The following LRRC3B variants were observed in gnomAD, a reference collection of about 807,000 sequenced individuals.
The protein encoded by LRRC3B is leucine rich repeat containing 3B, also known as leucine-rich repeat-containing protein 3B.
In LRRC3B, 2 loss-of-function variants were observed where a neutral mutation model predicts 12.8. The observed-to-expected ratio is 0.16, with a 90% CI of 0.06 to 0.49. LRRC3B has a LOEUF of 0.49. Among genes scored for constraint, LRRC3B ranks in the 20% least tolerant of loss-of-function variants. The probability of loss-of-function intolerance (pLI) is 0.96; values close to 1 mark genes in which losing one functional copy is unlikely to be tolerated. For synonymous variants in LRRC3B, 132 were observed against 122.0 expected, an observed-to-expected ratio of 1.08 and a Z score of -0.54; for missense variants, 189 against 319.4, an observed-to-expected ratio of 0.59 and a Z score of 3.11.
chr3:26,677,461 G>T (rs1219254776), intron 1 of LRRC3B, among the ~76,000 whole-genome samples: 2 of 152,192 alleles, frequency 1.3e-5, no homozygotes, highest in South Asian at 2.1e-4. Flanking sequence ...CAGGGGGCAG[G>T]CTGCTCACCA....
chr3:26,656,727 A>G (rs1446312856), intron 1 of LRRC3B, among the ~76,000 whole-genome samples: 2 of 152,208 alleles, frequency 1.3e-5, no homozygotes, highest in African/African-American at 4.8e-5. Flanking sequence ...AATCCTGACA[A>G]CCATTGCTAG....
intron 1 of LRRC3B, among the ~76,000 whole-genome samples, chr3:26,636,436 G>A (rs1050995497): frequency 6.6e-6 from 1 of 152,164 alleles, no homozygotes; most frequent in African/African-American, 2.4e-5. Context: ...GAATGGAGAA[G>A]CAATTTCCTC....
chr3:26,662,065 G>A (rs1699502465), intron 1 of LRRC3B, among the ~76,000 whole-genome samples: 1 of 152,070 alleles, frequency 6.6e-6, no homozygotes, highest in African/African-American at 2.4e-5. Flanking sequence ...TTACTTCTCT[G>A]TTCCAAAAAC....
intron 1 of LRRC3B, among the ~76,000 whole-genome samples, chr3:26,645,111 C>T (rs1699115639): frequency 6.6e-6 from 1 of 152,134 alleles, no homozygotes; most frequent in Admixed American, 6.5e-5. Context: ...ATTTGCAATT[C>T]TCACAACTAT....
chr3:26,633,458 ATAT>A (rs537641763), intron 1 of LRRC3B, among the ~76,000 whole-genome samples: 1 of 152,202 alleles, frequency 6.6e-6, no homozygotes, highest in Non-Finnish European at 1.5e-5. Context: ...ATAGAACAAA[ATAT>A]TATTGATTGC....
intron 1 of LRRC3B, among the ~76,000 whole-genome samples, chr3:26,640,439 A>C (rs1004906519): frequency 5.0e-5 from 7 of 141,186 alleles, no homozygotes; most frequent in Admixed American, 2.1e-4. Flanking sequence ...AAAAAAAAAA[A>C]AAACCCAAAA....
chr3:26,708,745 G>A (rs1700670341), intron 1 of LRRC3B, among the ~76,000 whole-genome samples: 1 of 152,054 alleles, frequency 6.6e-6, no homozygotes, highest in Non-Finnish European at 1.5e-5. Context: ...AGTCTATTGG[G>A]GAAGTCTTCA....
chr3:26,634,588 G>A lies in LRRC3B; in HGVS notation c.-161+11351G>A, dbSNP rs546037344. The stretch of plus-strand genomic sequence containing the variant: ...TTCAATTCACCTCGACATGGTGTGT[G>A]TTGGCTGTTCCCTTGAGATGGGGGG... On this transcript the variant is annotated intron_variant, in intron 1 of 1. Coordinates refer to ENST00000396641, the Ensembl canonical transcript of LRRC3B. 3.3e-5 allele frequency among the ~76,000 whole-genome samples: 5 copies of A among 152,348 alleles called. No homozygotes were observed. In the South Asian group the frequency reaches 8.3e-4, roughly 25 times the overall value.
At chr3:26,676,076 T>C (rs1455049626) in intron 1 of LRRC3B, among the ~76,000 whole-genome samples, 4 of 152,068 alleles carry the variant, frequency 2.6e-5, no homozygotes, top group African/African-American at 4.8e-5. Context: ...GGCCTGTTTT[T>C]TCTTTTTTTT....
At chr3:26,671,371 TATAGAGAGAGAGAG>T (rs1384315875) in intron 1 of LRRC3B, among the ~76,000 whole-genome samples, 1 of 35,960 alleles carries the variant, frequency 2.8e-5, no homozygotes, top group South Asian at 1.3e-3. Flanking sequence ...TATATATATA[TATAGAGAGAGAGAG>T]AGAGAGAGAG....
chr3:26,657,532 C>T (rs1223714584), intron 1 of LRRC3B, among the ~76,000 whole-genome samples: 1 of 152,188 alleles, frequency 6.6e-6, no homozygotes, highest in Non-Finnish European at 1.5e-5. Context: ...TTAGTGATCA[C>T]ATTCTAACTT....
intron 1 of LRRC3B, among the ~76,000 whole-genome samples, chr3:26,677,287 T>C (rs1457034264): frequency 1.3e-5 from 2 of 152,186 alleles, no homozygotes; most frequent in African/African-American, 2.4e-5. Context: ...GGGTTGATAC[T>C]GAAAATAAAC....
Position 26,696,970 on chromosome 3 carries a change from A to G in LRRC3B, c.-160-12543A>G, listed in dbSNP as rs1700333022. ...CTAATTGTTTTGACTGTTTTAGATAATAACCATTTTGTAATCTGATGTTTT... is the reference window on the plus strand; with the variant it reads ...CTAATTGTTTTGACTGTTTTAGATAGTAACCATTTTGTAATCTGATGTTTT... On this transcript the variant is annotated intron_variant, in intron 1 of 1. Coordinates refer to ENST00000396641, the Ensembl canonical transcript of LRRC3B. Among the ~76,000 whole-genome samples, 3 of 152,184 alleles carry G rather than the reference A, an allele frequency of 2.0e-5. No individual in the cohort carries two copies. The South Asian group carries it at 6.2e-4, about 32-fold the overall frequency.
chr3:26,680,195 C>T (rs556147809), intron 1 of LRRC3B, among the ~76,000 whole-genome samples: 3 of 152,264 alleles, frequency 2.0e-5, no homozygotes, highest in South Asian at 2.1e-4. Context: ...AAAGCCCGCC[C>T]GACAGGCACA....
intron 1 of LRRC3B, among the ~76,000 whole-genome samples, chr3:26,700,252 CT>C (rs771136823): frequency 2.7e-4 from 41 of 152,214 alleles, no homozygotes; most frequent in Non-Finnish European, 5.3e-4. Context: ...GGTTGTCTCC[CT>C]CTTTGATTTT....
At chr3:26,663,965 A>C (rs1217686759) in intron 1 of LRRC3B, among the ~76,000 whole-genome samples, 1 of 152,116 alleles carries the variant, frequency 6.6e-6, no homozygotes, top group Non-Finnish European at 1.5e-5. Flanking sequence ...TTTTTCTATG[A>C]ACACATTTGA....
intron 1 of LRRC3B, among the ~76,000 whole-genome samples, chr3:26,656,596 G>A (rs1408754057): frequency 1.3e-5 from 2 of 152,170 alleles, no homozygotes; most frequent in Non-Finnish European, 1.5e-5. Context: ...ACACCTAATT[G>A]CAAGAGAGGC....
chr3:26,704,870 C>T (rs143292187), intron 1 of LRRC3B, among the ~76,000 whole-genome samples: 19 of 152,120 alleles, frequency 1.2e-4, no homozygotes, highest in Non-Finnish European at 2.1e-4. Flanking sequence ...GGTTTTTCCC[C>T]GTTGATTTGA....
At chr3:26,702,823 T>A (rs1575178952) in intron 1 of LRRC3B, among the ~76,000 whole-genome samples, 1 of 152,012 alleles carries the variant, frequency 6.6e-6, no homozygotes, top group Non-Finnish European at 1.5e-5. Context: ...AAGGGACACG[T>A]AGAATGGAGA....
Sources: gnomAD v4.1 joint callset for allele counts (sites outside exome capture counted in the v4.1 genomes callset) on GRCh38, gnomAD v4.1.1 for gene constraint, MANE v1.5 for transcripts, NCBI Gene and HGNC (gene_info 2026-07-23, HGNC 2026-07-21) for gene names.